ANKAR: variants seen among roughly 807,000 people sequenced by gnomAD.
ANKAR encodes the protein ankyrin and armadillo repeat containing.
ANKAR carries 136 observed loss-of-function variants against 146.2 expected under a neutral mutation model. That is an observed-to-expected ratio of 0.93 (90% CI 0.81 to 1.07). The LOEUF is 1.07. Among genes scored for constraint, ANKAR ranks in the 50% least tolerant of loss-of-function variants. The pLI is 0.00. For missense variants in ANKAR, 1,567 were observed against 1,679.9 expected (o/e 0.93, Z 1.18); for synonymous variants, 500 against 575.8 (o/e 0.87, Z 1.88).
At chr2:189,759,048 A>C (rs1436596082) in intron 18 of ANKAR, among the ~76,000 whole-genome samples, 1 of 152,086 alleles carries the variant, frequency 6.6e-6, no homozygotes, top group Non-Finnish European at 1.5e-5. Flanking sequence ...TGCACTATTA[A>C]TTCTCCTTGT....
intron 2 of ANKAR, among the ~76,000 whole-genome samples, chr2:189,679,290 A>G (rs1396804129): frequency 6.6e-6 from 1 of 152,158 alleles, no homozygotes; most frequent in East Asian, 1.9e-4. Context: ...TAGCAGTGCT[A>G]CTGATTTGTG....
At chr2:189,712,157 TGG>T (rs71023711) in intron 10 of ANKAR, among the ~76,000 whole-genome samples, 1 of 152,194 alleles carries the variant, frequency 6.6e-6, no homozygotes, top group African/African-American at 2.4e-5. Flanking sequence ...ACCCCACATC[TGG>T]GGGGGCAGGG....
At position 189,755,732 on chromosome 2, in the gene ANKAR, A is replaced by G. The variant is rs540478958; in HGVS notation, c.*585-5366A>G. Among the ~76,000 whole-genome samples the G allele has an allele frequency of 1.4e-4, 22 of 152,332 alleles. No individual in the cohort carries two copies. In the South Asian group the frequency reaches 2.9e-3, roughly 20 times the overall value. ...ACACTATGGTTAAAACTCAGTAAGC[A>G]GTAATTAAGGGGATAATGTTTCTGA... On this transcript the variant is annotated intron_variant and NMD_transcript_variant, in intron 18 of 18. Transcript: ENST00000441800.
chr2:189,724,959 CAG>C (rs1255708051), intron 12 of ANKAR, among the ~76,000 whole-genome samples: 4 of 152,112 alleles, frequency 2.6e-5, no homozygotes, highest in Non-Finnish European at 4.4e-5. Flanking sequence ...ATTTTAAACA[CAG>C]TGCATTATAT....
rs1422561376 is a variant in ANKAR at position 189,736,502 on chromosome 2, T to TTTTTTGTG, written c.3424-1180_3424-1179insTTTTGTGT. On this transcript the variant is annotated intron_variant, in intron 17 of 22. Transcript: ENST00000684021. ...TTTTGCCTATTTAGGTGACTGGGTT[T>TTTTTTGTG]TGTGTGTGTGTGTGTGTGTGTGTGT... Among the ~76,000 whole-genome samples the TTTTTTGTG allele has an allele frequency of 1.3e-4, 19 of 142,064 alleles. 1 individual carries two copies. Among genetic ancestry groups the TTTTTTGTG allele is most frequent in the African/African-American group, 4.6e-4 (18 of 39,130 alleles). The allele number at this position is 142,064 out of a possible 152,430, so 93.2% of individuals were successfully genotyped here.
chr2:189,690,406 A>G (rs1242991823), intron 3 of ANKAR, among the ~76,000 whole-genome samples: 1 of 152,206 alleles, frequency 6.6e-6, no homozygotes, highest in Non-Finnish European at 1.5e-5. Context: ...TGAAAAATAG[A>G]TGGAAACATA....
chr2:189,697,349 T>C (rs1254757507), intron 7 of ANKAR, among the ~76,000 whole-genome samples: 2 of 151,986 alleles, frequency 1.3e-5, no homozygotes, highest in Non-Finnish European at 2.9e-5. Context: ...CACATATATA[T>C]GTACATATAT....
At chr2:189,752,876 C>T in intron 18 of ANKAR, 1 of 1,613,772 alleles carries the variant, frequency 6.2e-7, no homozygotes. Context: ...ATTATCAGTG[C>T]ATAGTCTGGG....
chr2:189,708,208 C>T (rs191950454), intron 9 of ANKAR, among the ~76,000 whole-genome samples: 59 of 152,308 alleles, frequency 3.9e-4, no homozygotes, highest in Admixed American at 1.4e-3. Context: ...CAGCAGTCTT[C>T]CCTTCTCAGC....
Position 189,676,721 on chromosome 2 carries a change from C to T in ANKAR, c.231C>T (p.Asn77=), listed in dbSNP as rs752201839. Residue 77 remains asparagine, a synonymous_variant, in exon 2 of 23, where the codon AAC becomes AAT. Transcript: ENST00000684021. ...LPCGIMSQMN[N]VGFSTAILLT... Reference sequence around the variant, plus strand: ...GTGGAATTATGAGTCAAATGAATAACGTAGGCTTCTCCACTGCAATCCTAC... The same window carrying T: ...GTGGAATTATGAGTCAAATGAATAATGTAGGCTTCTCCACTGCAATCCTAC... 4.3e-6 allele frequency: 7 copies of T among 1,614,076 alleles called. No individual in the cohort carries two copies. The highest frequency in any genetic ancestry group is 5.9e-6 in the Non-Finnish European group (7 of 1,180,048).
chr2:189,675,693 A>C (rs1384430218), intron 1 of ANKAR, among the ~76,000 whole-genome samples: 1 of 152,146 alleles, frequency 6.6e-6, no homozygotes, highest in African/African-American at 2.4e-5. Flanking sequence ...GCTTTAAAAA[A>C]CTGAAAACAA....
chr2:189,696,354 G>C lies in ANKAR; in HGVS notation c.1693G>C (p.Val565Leu). The C allele has an allele frequency of 6.2e-7, 1 of 1,613,310 alleles. No individual in the cohort carries two copies. The highest frequency in any genetic ancestry group is 8.5e-7 in the Non-Finnish European group (1 of 1,179,790). ...ANFKVNQRRF[V>L]TFSQGPTPLH... is the part of the protein sequence containing the mutation. Reference sequence around the variant, plus strand: ...CTTCAAGGTCAACCAGAGGCGCTTTGTTACGTTCAGCCAAGGTACCATAAA... The same window carrying C: ...CTTCAAGGTCAACCAGAGGCGCTTTCTTACGTTCAGCCAAGGTACCATAAA... Residue 565 changes from valine to leucine, a missense_variant, in exon 7 of 23, where the codon GTT (valine) becomes CTT (leucine). Val to Leu is a conservative substitution (Grantham distance 32). Coordinates refer to ENST00000684021, the MANE Select transcript of ANKAR (RefSeq NM_001378068.1).
chr2:189,727,878 T>C lies in ANKAR; in HGVS notation c.2658T>C (p.Ser886=). ...SDSDVLKAVS[S]AAIAEVGRDN... ...AAGATGTGTTGAAGGCTGTATCTTCTGCTGCAATTGCTGAGGTTGGGCGTG... is the reference window on the plus strand; with the variant it reads ...AAGATGTGTTGAAGGCTGTATCTTCCGCTGCAATTGCTGAGGTTGGGCGTG... Residue 886 remains serine, a synonymous_variant, in exon 13 of 23, where the codon TCT becomes TCC. Transcript: ENST00000684021. 1 of 1,613,994 alleles carries C rather than the reference T, an allele frequency of 6.2e-7. No homozygotes were observed. Among genetic ancestry groups the C allele is most frequent in the African/African-American group, 1.3e-5 (1 of 75,042 alleles).
At chr2:189,698,150 A>G (rs1180587780) in intron 7 of ANKAR, among the ~76,000 whole-genome samples, 2 of 152,216 alleles carry the variant, frequency 1.3e-5, no homozygotes, top group Non-Finnish European at 2.9e-5. Flanking sequence ...GGTGCATTTA[A>G]AAAGGCTATT....
rs2039623217 is a variant in ANKAR, at chr2:189,711,057, C to T, written c.2128C>T (p.Gln710Ter). 1 of 1,612,136 alleles carries T rather than the reference C, an allele frequency of 6.2e-7. No homozygotes were observed. Among genetic ancestry groups the T allele is most frequent in the Non-Finnish European group, 8.5e-7 (1 of 1,179,072 alleles). Residue 710 changes from glutamine (Q) to a stop codon, truncating the protein, a stop_gained, in exon 10 of 23, where the codon CAG becomes TAG. Coordinates refer to ENST00000684021, the MANE Select transcript of ANKAR (RefSeq NM_001378068.1). LOFTEE classifies it high-confidence loss of function. ...TGTTGAACACTTAACAGAAATGTTA[C>T]AGTGTGAAAGCTATAAACGAAGGAT... Reference protein sequence around the residue: ...PVWKTLVEMLQCESYKRRMMA... With the variant: ...PVWKTLVEML
At chr2:189,701,411 T>G (rs550140964) in intron 7 of ANKAR, among the ~76,000 whole-genome samples, 1 of 152,218 alleles carries the variant, frequency 6.6e-6, no homozygotes, top group African/African-American at 2.4e-5. Flanking sequence ...TTTGTTTATT[T>G]TTTTGTAGAG....
At chr2:189,752,884 G>A (rs549547329) in intron 18 of ANKAR, 5 of 1,613,878 alleles carry the variant, frequency 3.1e-6, no homozygotes, top group South Asian at 1.1e-5. Context: ...TGCATAGTCT[G>A]GGAGGAGGAC....
chr2:189,692,181 G>A, intron 3 of ANKAR, 74 bp from the exon 4 acceptor site: 1 of 1,268,434 alleles, frequency 7.9e-7, no homozygotes, highest in East Asian at 2.6e-5. Context: ...ACATGAATGA[G>A]AAGCTAGATC....
intron 20 of ANKAR, among the ~76,000 whole-genome samples, chr2:189,742,167 T>C (rs1042675798): frequency 1.3e-5 from 2 of 152,182 alleles, no homozygotes; most frequent in Non-Finnish European, 2.9e-5. Context: ...GGGCCTGTTA[T>C]ATTGCTTGGC....
Sources: allele counts gnomAD v4.1 joint callset (sites outside exome capture counted in the v4.1 genomes callset), GRCh38; gene constraint gnomAD v4.1.1; transcripts MANE v1.5; gene names NCBI Gene and HGNC (gene_info 2026-07-23, HGNC 2026-07-21).